TYR: variants seen among roughly 807,000 people sequenced by gnomAD.
TYR encodes tyrosinase, also known as LB24-AB.
Under a neutral mutation model 51.5 loss-of-function variants are expected in TYR, and 58 were observed. The ratio of observed to expected loss-of-function variants is 1.13; its 90% confidence interval spans 0.91 to 1.40. TYR has a LOEUF of 1.40. Among genes scored for constraint, TYR ranks in the 40% most tolerant of loss-of-function variants. The pLI, the probability that TYR is intolerant of heterozygous loss-of-function variation, is 0.00. For synonymous variants in TYR, 263 were observed against 235.2 expected (o/e 1.12, Z -1.08); for missense variants, 732 against 647.4 (o/e 1.13, Z -1.42).
rs551495049 is a variant in TYR at position 89,211,116 on chromosome 11, T to C, written c.1037-16707T>C. 2.6e-5 allele frequency among the ~76,000 whole-genome samples: 4 copies of C among 152,226 alleles called. No homozygotes were observed. In the East Asian group the frequency reaches 5.8e-4, roughly 22 times the overall value. On this transcript the variant is annotated intron_variant, in intron 2 of 4. Transcript: ENST00000263321. The stretch of plus-strand genomic sequence containing the variant: ...GGATCAAATTCACATATAACAATAT[T>C]AACCTTAAATGTAAATGGAGTAAAT...
At chr11:89,287,725 A>G (rs536404149) in intron 4 of TYR, among the ~76,000 whole-genome samples, 2 of 152,086 alleles carry the variant, frequency 1.3e-5, no homozygotes, top group East Asian at 3.9e-4. Flanking sequence ...GTTATAATCA[A>G]ATTTGAATTT....
At chr11:89,193,396 A>T (rs1176137734) in intron 2 of TYR, among the ~76,000 whole-genome samples, 2 of 152,130 alleles carry the variant, frequency 1.3e-5, no homozygotes, top group Non-Finnish European at 2.9e-5. Flanking sequence ...TCTAATACAC[A>T]CAGGTGAGGA....
chr11:89,277,701 CA>C (rs1469748684), intron 3 of TYR, among the ~76,000 whole-genome samples: 2 of 151,784 alleles, frequency 1.3e-5, no homozygotes, highest in East Asian at 3.9e-4. Context: ...ACACTTTGCT[CA>C]GTAGCATAAG....
intron 3 of TYR, among the ~76,000 whole-genome samples, chr11:89,262,543 GA>G (rs1944469763): frequency 7.0e-6 from 1 of 143,612 alleles, no homozygotes; most frequent in Non-Finnish European, 1.5e-5. Context: ...GAAAATCAAT[GA>G]AACAAAAAGT....
At chr11:89,256,475 GT>G (rs1944392976) in intron 3 of TYR, among the ~76,000 whole-genome samples, 1 of 151,676 alleles carries the variant, frequency 6.6e-6, no homozygotes, top group African/African-American at 2.4e-5. Flanking sequence ...ATATGTGTGT[GT>G]GTGTGTGTGT....
chr11:89,267,657 C>T (rs868146915), intron 3 of TYR, among the ~76,000 whole-genome samples: 4 of 151,930 alleles, frequency 2.6e-5, no homozygotes, highest in Admixed American at 6.6e-5. Context: ...TGTACAGGCA[C>T]GATTCTCTTT....
At chr11:89,195,750 A>T (rs16912966) in intron 2 of TYR, among the ~76,000 whole-genome samples, 2,878 of 152,226 alleles carry the variant, frequency 0.019, 89 homozygotes, top group African/African-American at 0.066. Context: ...AGTCTGTATT[A>T]TAAGAAGTTT....
chr11:89,246,683 T>C (rs1944271548), intron 3 of TYR, among the ~76,000 whole-genome samples: 1 of 152,144 alleles, frequency 6.6e-6, no homozygotes, highest in Non-Finnish European at 1.5e-5. Flanking sequence ...GCTTCTCTTC[T>C]ACTCTACTCC....
chr11:89,277,369 AGT>A (rs1389481128), intron 3 of TYR, among the ~76,000 whole-genome samples: 1 of 151,734 alleles, frequency 6.6e-6, no homozygotes, highest in Non-Finnish European at 1.5e-5. Flanking sequence ...TCTCAAAGAG[AGT>A]GTGATTGTCA....
Position 89,284,943 on chromosome 11 carries a change from T to C in TYR, c.1355T>C (p.Leu452Pro). 1 of 1,611,238 alleles carries C rather than the reference T, an allele frequency of 6.2e-7. No homozygotes were observed. The highest frequency in any genetic ancestry group is 1.1e-5 in the South Asian group (1 of 91,006). The stretch of plus-strand genomic sequence containing the variant: ...GATCTGGGCTATGACTATAGCTATC[T>C]ACAAGATTCAGGTAAAGTTTACTTT... ...SKDLGYDYSY[L>P]QDSDPDSFQD... The change falls in exon 4 of 5, where the codon CTA becomes CCA. Residue 452 changes from leucine to proline, a missense_variant. Coordinates refer to ENST00000263321, the MANE Select transcript of TYR (RefSeq NM_000372.5).
intron 2 of TYR, among the ~76,000 whole-genome samples, chr11:89,193,568 C>G (rs964903294): frequency 6.6e-6 from 1 of 152,014 alleles, no homozygotes; most frequent in South Asian, 2.1e-4. Flanking sequence ...CACAGTCGTT[C>G]GGTAAGTATC....
At chr11:89,225,269 T>C (rs1480594217) in intron 2 of TYR, among the ~76,000 whole-genome samples, 4 of 151,912 alleles carry the variant, frequency 2.6e-5, no homozygotes, top group Admixed American at 6.6e-5. Context: ...CACATACTTA[T>C]TTGAGTAGTA....
At chr11:89,267,159 A>G (rs2135311718) in intron 3 of TYR, among the ~76,000 whole-genome samples, 1 of 152,062 alleles carries the variant, frequency 6.6e-6, no homozygotes, top group East Asian at 1.9e-4. Context: ...AGTACTGGGA[A>G]TATTTCAGTG....
chr11:89,251,198 A>T (rs1944327301), intron 3 of TYR, among the ~76,000 whole-genome samples: 1 of 151,954 alleles, frequency 6.6e-6, no homozygotes, highest in Non-Finnish European at 1.5e-5. Flanking sequence ...CCTCAAAGGA[A>T]AAATGAATTA....
At chr11:89,290,215 G>T (rs954784962) in intron 4 of TYR, among the ~76,000 whole-genome samples, 3 of 152,004 alleles carry the variant, frequency 2.0e-5, no homozygotes, top group Non-Finnish European at 4.4e-5. Flanking sequence ...AGAACAAAAA[G>T]GTGCACTATT....
chr11:89,276,247 A>C (rs996600557), intron 3 of TYR, among the ~76,000 whole-genome samples: 1 of 151,796 alleles, frequency 6.6e-6, no homozygotes, highest in African/African-American at 2.4e-5. Context: ...TGAATTTCTG[A>C]AATAAGGAGC....
chr11:89,266,963 A>G (rs1944532631), intron 3 of TYR, among the ~76,000 whole-genome samples: 1 of 151,936 alleles, frequency 6.6e-6, no homozygotes, highest in South Asian at 2.1e-4. Context: ...AATAGGAATG[A>G]TATCCTTTTG....
chr11:89,205,270 T>A (rs1293701025), intron 2 of TYR, among the ~76,000 whole-genome samples: 1 of 152,062 alleles, frequency 6.6e-6, no homozygotes, highest in Admixed American at 6.5e-5. Flanking sequence ...GTTGAATAAC[T>A]ACATGAAAAT....
intron 4 of TYR, among the ~76,000 whole-genome samples, chr11:89,289,699 T>G (rs970940932): frequency 5.9e-5 from 9 of 151,918 alleles, no homozygotes. Flanking sequence ...TACTTGCTCT[T>G]GAGAGTTTGT....
Sources: allele counts gnomAD v4.1 joint callset (sites outside exome capture counted in the v4.1 genomes callset), GRCh38; gene constraint gnomAD v4.1.1; transcripts MANE v1.5; gene names NCBI Gene and HGNC (gene_info 2026-07-23, HGNC 2026-07-21).